KCTD1: variants seen among roughly 807,000 people sequenced by gnomAD.
The protein encoded by KCTD1 is potassium channel tetramerization domain containing 1.
Under a neutral mutation model 66.0 loss-of-function variants are expected in KCTD1, and 24 were observed. The ratio of observed to expected loss-of-function variants is 0.36; its 90% CI spans 0.26 to 0.51. KCTD1 has a LOEUF of 0.51. Among genes scored for constraint, KCTD1 ranks in the 20% least tolerant of loss-of-function variants. The probability of loss-of-function intolerance (pLI) is 0.95; values close to 1 mark genes in which losing one functional copy is unlikely to be tolerated. For synonymous variants in KCTD1, 511 were observed against 517.2 expected, an observed-to-expected ratio of 0.99 and a Z score of 0.16; for missense variants, 943 against 1,205.2, an observed-to-expected ratio of 0.78 and a Z score of 3.22.
chr18:26,628,020 C>A (rs1014399097), intron 1 of KCTD1, among the ~76,000 whole-genome samples: 3 of 152,204 alleles, frequency 2.0e-5, no homozygotes, highest in African/African-American at 4.8e-5. Context: ...ACCATGTGAT[C>A]TGCCAGGAGT....
chr18:26,500,082 G>A (rs1982675841), intron 2 of KCTD1, among the ~76,000 whole-genome samples: 1 of 151,978 alleles, frequency 6.6e-6, no homozygotes, highest in Non-Finnish European at 1.5e-5. Flanking sequence ...AGGAGTTTGA[G>A]ACCAGTCTGG....
intron 1 of KCTD1, among the ~76,000 whole-genome samples, chr18:26,501,481 T>G (rs923822831): frequency 6.6e-6 from 1 of 152,244 alleles, no homozygotes; most frequent in Non-Finnish European, 1.5e-5. Flanking sequence ...TAATGTTCAC[T>G]TCAAATAACT....
intron 1 of KCTD1, among the ~76,000 whole-genome samples, chr18:26,588,871 G>GTGTGTT (rs542299864): frequency 0.15 from 23,089 of 152,170 alleles, 1,798 homozygotes; most frequent in East Asian, 0.26. Flanking sequence ...CGAATGCAAA[G>GTGTGTT]CCCTAATATA....
intron 1 of KCTD1, among the ~76,000 whole-genome samples, chr18:26,570,681 G>A (rs1232867595): frequency 6.6e-6 from 1 of 152,188 alleles, no homozygotes; most frequent in East Asian, 1.9e-4. Flanking sequence ...AAAGTGCTGG[G>A]ATTACAGGCA....
At chr18:26,548,690 C>A (rs1985402723), upstream of KCTD1, 1 of 1,018,258 alleles carries the variant, frequency 9.8e-7, no homozygotes, top group African/African-American at 1.8e-5. Flanking sequence ...GAGCGCAGCT[C>A]CGGAGGGGCA....
intron 1 of KCTD1, among the ~76,000 whole-genome samples, chr18:26,557,720 C>T (rs55864296): frequency 0.13 from 20,329 of 150,858 alleles, 1,812 homozygotes; most frequent in African/African-American, 0.26. Context: ...CATTCTGGGG[C>T]GGTGAATTCA....
chr18:26,571,495 A>C lies in KCTD1; in HGVS notation c.-16+57652T>G, dbSNP rs146865642. Among the ~76,000 whole-genome samples, 273 of 152,358 alleles carry C rather than the reference A, an allele frequency of 1.8e-3. 6 individuals are homozygous for C. Among genetic ancestry groups the C allele is most frequent in the African/African-American group, 6.3e-3 (260 of 41,574 alleles). On this transcript the variant is annotated intron_variant, in intron 1 of 4. Transcript: ENST00000317932. ...TGATATAAAATGGTATTGTATTTGC[A>C]TATCACCTACACACATCCTCCCGTG...
At chr18:26,643,790 G>A (rs554604318), upstream of KCTD1, among the ~76,000 whole-genome samples, 33 of 152,238 alleles carry the variant, frequency 2.2e-4, no homozygotes, top group East Asian at 7.7e-4. Flanking sequence ...ATGAAACCCT[G>A]TCTCTACTAA....
intron 1 of KCTD1, among the ~76,000 whole-genome samples, chr18:26,613,776 T>C (rs1987188557): frequency 1.3e-5 from 2 of 152,234 alleles, no homozygotes; most frequent in South Asian, 4.1e-4. Context: ...GCTGACAGAA[T>C]GTGCTGAAAA....
chr18:26,653,405 G>A (rs1988072314), intron 1 of KCTD1, among the ~76,000 whole-genome samples: 2 of 152,168 alleles, frequency 1.3e-5, no homozygotes, highest in African/African-American at 4.8e-5. Flanking sequence ...ATCTCAGTGT[G>A]TGGCACTTCT....
At chr18:26,508,027 CTT>C (rs1304087319) in intron 1 of KCTD1, among the ~76,000 whole-genome samples, 1 of 152,174 alleles carries the variant, frequency 6.6e-6, no homozygotes, top group African/African-American at 2.4e-5. Flanking sequence ...AATCAGAACA[CTT>C]TACTGTTGAA....
chr18:26,619,832 C>T (rs1359000051), intron 1 of KCTD1, among the ~76,000 whole-genome samples: 1 of 152,200 alleles, frequency 6.6e-6, no homozygotes, highest in African/African-American at 2.4e-5. Flanking sequence ...CCACCAAATG[C>T]ATCAGCTCCA....
intron 1 of KCTD1, among the ~76,000 whole-genome samples, chr18:26,596,324 A>AAT (rs1598958923): frequency 3.3e-5 from 5 of 152,344 alleles, no homozygotes; most frequent in African/African-American, 1.2e-4. Flanking sequence ...TTGAACACAC[A>AAT]GTAAAAAAAG....
chr18:26,582,271 TAA>T (rs34642580), intron 1 of KCTD1, among the ~76,000 whole-genome samples: 73,243 of 143,776 alleles, frequency 0.51, 18,165 homozygotes, highest in Middle Eastern at 0.59. Context: ...ACACCCCGTC[TAA>T]AAAAAAAAAA....
intron 1 of KCTD1, among the ~76,000 whole-genome samples, chr18:26,605,995 A>C (rs1341695020): frequency 1.1e-4 from 17 of 152,294 alleles, no homozygotes; most frequent in Admixed American, 2.0e-4. Context: ...GACATCAGTC[A>C]ATACATGTAA....
At chr18:26,654,697 A>G (rs1988096060) in intron 1 of KCTD1, among the ~76,000 whole-genome samples, 1 of 152,204 alleles carries the variant, frequency 6.6e-6, no homozygotes, top group Admixed American at 6.5e-5. Flanking sequence ...CGGCTGTGTG[A>G]CATTTTTGCC....
chr18:26,549,037 C>A, upstream of KCTD1: 2 of 985,102 alleles, frequency 2.0e-6, no homozygotes, highest in Non-Finnish European at 2.4e-6. Context: ...GGGGTCGGGG[C>A]GGCGGCTGCG....
In KCTD1 at chr18:26,459,953, G is replaced by A. The variant is rs1429288188; in HGVS notation, c.2134-28C>T. The A allele has an allele frequency of 2.7e-6, 4 of 1,487,886 alleles. No individual in the cohort carries two copies. The Admixed American group carries it at 6.3e-5, about 24-fold the overall frequency. 92.2% of individuals were successfully genotyped at this position (1,487,886 alleles called of 1,614,324 possible). A position where few individuals can be genotyped will look rare whatever the true frequency, so the allele number is the denominator to read the frequency against. Reference sequence around the variant, plus strand: ...GGAAAAAAAAAAGGTATTTCACAGTGCAAACTGCAAACATAAAGTACTAAA... The same window carrying A: ...GGAAAAAAAAAAGGTATTTCACAGTACAAACTGCAAACATAAAGTACTAAA... On this transcript the variant is annotated intron_variant, in intron 3 of 4. Coordinates refer to ENST00000580059, the MANE Select transcript of KCTD1 (RefSeq NM_001142730.3).
intron 1 of KCTD1, among the ~76,000 whole-genome samples, chr18:26,584,288 A>C (rs1986423216): frequency 6.6e-6 from 1 of 152,248 alleles, no homozygotes; most frequent in African/African-American, 2.4e-5. Context: ...TATAAAATAC[A>C]GACTGGATTT....
Sources: allele counts gnomAD v4.1 joint callset (sites outside exome capture counted in the v4.1 genomes callset), GRCh38; gene constraint gnomAD v4.1.1; transcripts MANE v1.5; gene names NCBI Gene and HGNC (gene_info 2026-07-23, HGNC 2026-07-21).